Variants in KIF16B observed in about 807,000 individuals in gnomAD.
The protein encoded by KIF16B is kinesin-like protein KIF16B.
KIF16B carries 98 observed loss-of-function variants against 156.3 expected under a neutral mutation model. The ratio of observed to expected loss-of-function variants is 0.63; its 90% CI spans 0.53 to 0.74. KIF16B has a LOEUF of 0.74. Ranked by LOEUF, KIF16B falls within the 30% of genes least tolerant of loss-of-function variation. The pLI, the probability that KIF16B is intolerant of heterozygous loss-of-function variation, is 0.00. For missense variants in KIF16B, 1,421 were observed against 1,606.5 expected (o/e 0.88, Z 1.97); for synonymous variants, 564 against 583.7 (o/e 0.97, Z 0.49).
intron 25 of KIF16B, among the ~76,000 whole-genome samples, chr20:16,291,473 A>G (rs2063313983): frequency 6.6e-6 from 1 of 152,252 alleles, no homozygotes; most frequent in South Asian, 2.1e-4. Context: ...TCAGTCTTTC[A>G]GTCATCAAAA....
chr20:16,479,632 T>C (rs1015433030), intron 12 of KIF16B, among the ~76,000 whole-genome samples: 7 of 152,188 alleles, frequency 4.6e-5, no homozygotes, highest in Non-Finnish European at 1.0e-4. Flanking sequence ...CATAAGATTA[T>C]AGTAACCCCG....
intron 6 of KIF16B, among the ~76,000 whole-genome samples, chr20:16,508,797 T>C (rs2068867362): frequency 6.6e-6 from 1 of 152,192 alleles, no homozygotes; most frequent in African/African-American, 2.4e-5. Context: ...ACATTAGTCA[T>C]AGCACATACA....
At chr20:16,520,206 G>A (rs922423535) in intron 3 of KIF16B, among the ~76,000 whole-genome samples, 1 of 151,678 alleles carries the variant, frequency 6.6e-6, no homozygotes, top group African/African-American at 2.4e-5. Context: ...AAAGGAAGCT[G>A]AAGCCAGGGA....
intron 3 of KIF16B, 87 bp downstream of exon 3, chr20:16,526,005 G>T (rs1299706993): frequency 1.5e-5 from 11 of 717,184 alleles, no homozygotes; most frequent in Non-Finnish European, 2.2e-5. Context: ...AAAGAAATTG[G>T]CAAGATATTT....
Position 16,409,980 on chromosome 20 carries a change from T to TGTAGGTAC in KIF16B, c.1613-3525_1613-3524insGTACCTAC, listed in dbSNP as rs1491514946. On this transcript the variant is annotated intron_variant, in intron 15 of 25. Coordinates refer to ENST00000354981, the MANE Select transcript of KIF16B (RefSeq NM_024704.5). Reference sequence around the variant, plus strand: ...ATATATATATATATACATATATATATATATATATATATGTAGGTACATATA... The same window carrying TGTAGGTAC: ...ATATATATATATATACATATATATATGTAGGTACATATATATATATGTAGGTACATATA... 1.7e-4 allele frequency among the ~76,000 whole-genome samples: 18 copies of TGTAGGTAC among 103,016 alleles called. 2 individuals are homozygous for TGTAGGTAC. The highest frequency in any genetic ancestry group is 2.4e-4 in the African/African-American group (6 of 24,894). The allele number at this position is 103,016 out of a possible 152,430, so 67.6% of individuals were successfully genotyped here. A position where few individuals can be genotyped will look rare whatever the true frequency, so the allele number is the denominator to read the frequency against.
At chr20:16,467,580 T>C (rs980600212) in intron 12 of KIF16B, among the ~76,000 whole-genome samples, 9 of 152,050 alleles carry the variant, frequency 5.9e-5, no homozygotes, top group Non-Finnish European at 1.3e-4. Context: ...AGCAGAAAGA[T>C]GAAAAAATCT....
At chr20:16,312,529 A>C (rs556193964) in intron 24 of KIF16B, 111 bp from the exon 25 acceptor site, 2 of 815,770 alleles carry the variant, frequency 2.5e-6, no homozygotes, top group Non-Finnish European at 3.9e-6. Context: ...AAAGAGGCTG[A>C]AAGTTTAAAG....
At chr20:16,330,717 G>A (rs2063933445) in intron 24 of KIF16B, among the ~76,000 whole-genome samples, 1 of 152,172 alleles carries the variant, frequency 6.6e-6, no homozygotes, top group Admixed American at 6.5e-5. Flanking sequence ...GCCTCAATAA[G>A]TTGCATCTGG....
intron 24 of KIF16B, among the ~76,000 whole-genome samples, chr20:16,326,411 G>C (rs2122847225): frequency 6.6e-6 from 1 of 150,568 alleles, no homozygotes; most frequent in East Asian, 2.0e-4. Context: ...ATTCGACAAA[G>C]GAATAATATC....
At chr20:16,382,409 T>C (rs1830376095) in intron 17 of KIF16B, among the ~76,000 whole-genome samples, 1 of 151,938 alleles carries the variant, frequency 6.6e-6, no homozygotes, top group Non-Finnish European at 1.5e-5. Context: ...CAATAATAAA[T>C]ATAAACAGTA....
At chr20:16,449,206 C>T (rs531672604) in intron 12 of KIF16B, among the ~76,000 whole-genome samples, 1 of 151,936 alleles carries the variant, frequency 6.6e-6, no homozygotes, top group Admixed American at 6.6e-5. Flanking sequence ...TGAAAAGAGG[C>T]CAGCACCTGA....
At chr20:16,480,363 G>A (rs1453309939) in intron 12 of KIF16B, among the ~76,000 whole-genome samples, 3 of 152,082 alleles carry the variant, frequency 2.0e-5, no homozygotes, top group Non-Finnish European at 4.4e-5. Flanking sequence ...AAATCCTCAA[G>A]AGTTCACCTA....
chr20:16,394,728 G>C (rs1429586615), intron 17 of KIF16B, among the ~76,000 whole-genome samples: 1 of 147,754 alleles, frequency 6.8e-6, no homozygotes, highest in African/African-American at 2.5e-5. Context: ...AGGTGAGCAA[G>C]AAAAAAAAAA....
At chr20:16,354,925 AAC>A (rs1170358288) in intron 23 of KIF16B, among the ~76,000 whole-genome samples, 3 of 152,058 alleles carry the variant, frequency 2.0e-5, no homozygotes, top group African/African-American at 7.2e-5. Context: ...CAGCCTGGGC[AAC>A]AGAGTGAGAC....
chr20:16,518,512 C>T (rs1339205175), intron 3 of KIF16B, among the ~76,000 whole-genome samples: 3 of 152,152 alleles, frequency 2.0e-5, no homozygotes, highest in African/African-American at 7.2e-5. Context: ...AATAAAAACT[C>T]GCTCATCGGG....
chr20:16,558,344 C>T (rs937109469), intron 1 of KIF16B, among the ~76,000 whole-genome samples: 5 of 152,192 alleles, frequency 3.3e-5, no homozygotes, highest in South Asian at 2.1e-4. Flanking sequence ...CTGCATCCGG[C>T]GTGGCCATGT....
chr20:16,441,110 A>G (rs1335897878), intron 12 of KIF16B, among the ~76,000 whole-genome samples: 6 of 152,212 alleles, frequency 3.9e-5, no homozygotes, highest in Admixed American at 3.9e-4. Context: ...ATGGTTCATC[A>G]GAAGATTCTA....
In KIF16B at chr20:16,522,611, C is replaced by T. The variant is rs542904967; in HGVS notation, c.231+3481G>A. 4.6e-5 allele frequency among the ~76,000 whole-genome samples: 7 copies of T among 152,214 alleles called. No homozygotes were observed. In the South Asian group the frequency reaches 8.3e-4, roughly 18 times the overall value. On this transcript the variant is annotated intron_variant, in intron 3 of 25. Coordinates refer to ENST00000354981, the MANE Select transcript of KIF16B (RefSeq NM_024704.5). Reference sequence around the variant, plus strand: ...CCACTGTCAATATTAGACAGATCAACGTGACAGAAAATTAACAAGGATATT... The same window carrying T: ...CCACTGTCAATATTAGACAGATCAATGTGACAGAAAATTAACAAGGATATT...
intron 15 of KIF16B, 22 bp downstream of exon 15, chr20:16,427,082 T>A: frequency 6.3e-7 from 1 of 1,586,364 alleles, no homozygotes; most frequent in Non-Finnish European, 8.6e-7. Flanking sequence ...TACAAAGACC[T>A]GTGAAAATTA....
Sources: allele counts gnomAD v4.1 joint callset (sites outside exome capture counted in the v4.1 genomes callset), GRCh38; gene constraint gnomAD v4.1.1; transcripts MANE v1.5; gene names NCBI Gene and HGNC (gene_info 2026-07-23, HGNC 2026-07-21).